The following DOCK3 variants were observed in gnomAD, a reference collection of about 807,000 sequenced individuals.
The protein encoded by DOCK3 is dedicator of cytokinesis 3.
Under a neutral mutation model 265.6 loss-of-function variants are expected in DOCK3, and 60 were observed. That is an observed-to-expected ratio of 0.23 (90% CI 0.18 to 0.28). DOCK3 has a LOEUF of 0.28. Among genes scored for constraint, DOCK3 ranks in the 10% least tolerant of loss-of-function variants. The probability of loss-of-function intolerance (pLI) is 1.00; values close to 1 mark genes in which losing one functional copy is unlikely to be tolerated. For missense variants in DOCK3, 1,981 were observed against 2,594.3 expected (o/e 0.76, Z 5.14); for synonymous variants, 881 against 938.0 (o/e 0.94, Z 1.11).
chr3:51,303,115 A>AT lies in DOCK3; in HGVS notation c.2923-7106dup, dbSNP rs199894276. 3.4e-3 allele frequency among the ~76,000 whole-genome samples: 481 copies of AT among 142,008 alleles called. 2 individuals carry two copies. The highest frequency in any genetic ancestry group is 0.014 in the Middle Eastern group (4 of 276). The allele number at this position is 142,008 out of a possible 152,430, so 93.2% of individuals were successfully genotyped here. A position where few individuals can be genotyped will look rare whatever the true frequency, so the allele number is the denominator to read the frequency against. Reference sequence around the variant, plus strand: ...TCATAGCTTTTGTTTGTTCCTTTTCATTTTTTTTTTTCTCTAATCTTGTCT... The same window carrying AT: ...TCATAGCTTTTGTTTGTTCCTTTTCATTTTTTTTTTTTCTCTAATCTTGTCT... On this transcript the variant is annotated intron_variant, in intron 27 of 52. Transcript: ENST00000266037.
intron 1 of DOCK3, among the ~76,000 whole-genome samples, chr3:50,749,255 A>G (rs912246615): frequency 5.9e-5 from 9 of 152,212 alleles, no homozygotes; most frequent in African/African-American, 1.9e-4. Flanking sequence ...CAAATTTAGC[A>G]TTTAATATTT....
At chr3:50,699,516 G>C (rs567301881) in intron 1 of DOCK3, among the ~76,000 whole-genome samples, 1 of 148,868 alleles carries the variant, frequency 6.7e-6, no homozygotes, top group African/African-American at 2.5e-5. Context: ...GCAGTGGCAC[G>C]ATCTCTGCTT....
chr3:50,989,023 C>A (rs1437175693), intron 5 of DOCK3, among the ~76,000 whole-genome samples: 1 of 152,144 alleles, frequency 6.6e-6, no homozygotes, highest in African/African-American at 2.4e-5. Flanking sequence ...TCCACACCTG[C>A]TACAAGCTGC....
intron 14 of DOCK3, among the ~76,000 whole-genome samples, chr3:51,221,878 C>G (rs1052461219): frequency 6.6e-6 from 1 of 152,144 alleles, no homozygotes; most frequent in Non-Finnish European, 1.5e-5. Context: ...AAAGACTCAC[C>G]CTCTCAGCAC....
chr3:51,320,153 G>A (rs1317223591), intron 32 of DOCK3, among the ~76,000 whole-genome samples: 1 of 152,168 alleles, frequency 6.6e-6, no homozygotes, highest in Non-Finnish European at 1.5e-5. Flanking sequence ...TGAACAGTGG[G>A]TGCAGCCCAC....
chr3:51,106,682 C>T (rs568597826), intron 9 of DOCK3, among the ~76,000 whole-genome samples: 12 of 152,330 alleles, frequency 7.9e-5, no homozygotes, highest in East Asian at 5.8e-4. Flanking sequence ...CCGGCATCAA[C>T]GCATACAGTG....
intron 4 of DOCK3, among the ~76,000 whole-genome samples, chr3:50,925,668 A>C (rs1051543625): frequency 2.0e-5 from 3 of 152,156 alleles, no homozygotes; most frequent in African/African-American, 7.2e-5. Context: ...GTTTTATTAG[A>C]GAAATGTTAC....
At chr3:51,065,407 C>T (rs1171393643) in intron 6 of DOCK3, among the ~76,000 whole-genome samples, 4 of 152,044 alleles carry the variant, frequency 2.6e-5, no homozygotes, top group Admixed American at 2.0e-4. Flanking sequence ...TTCTGGAAGC[C>T]GGAAAGTAGA....
chr3:51,133,811 C>T (rs1043885926), intron 9 of DOCK3, among the ~76,000 whole-genome samples: 3 of 151,816 alleles, frequency 2.0e-5, no homozygotes, highest in Non-Finnish European at 4.4e-5. Context: ...TGATTTGGGC[C>T]CACTAAGAGG....
chr3:51,357,177 G>C, intron 44 of DOCK3, 36 bp downstream of exon 44: 1 of 1,591,124 alleles, frequency 6.3e-7, no homozygotes, highest in Non-Finnish European at 8.6e-7. Context: ...CATGCAGCCA[G>C]CCTGGCCAGG....
intron 3 of DOCK3, among the ~76,000 whole-genome samples, chr3:50,883,443 T>C (rs1016823758): frequency 6.6e-6 from 1 of 152,192 alleles, no homozygotes; most frequent in Admixed American, 6.5e-5. Flanking sequence ...TTTTTGTTTT[T>C]TCTTAGTGTA....
chr3:51,325,247 AAAG>A (rs1431978289), intron 32 of DOCK3, among the ~76,000 whole-genome samples: 1 of 152,216 alleles, frequency 6.6e-6, no homozygotes, highest in Admixed American at 6.5e-5. Context: ...AAAGGTGAGC[AAAG>A]AAGATGAACA....
intron 3 of DOCK3, among the ~76,000 whole-genome samples, chr3:50,842,182 A>T (rs1329314961): frequency 3.9e-5 from 6 of 152,198 alleles, no homozygotes. Flanking sequence ...TTTTATGTTT[A>T]TTACAATTAA....
intron 3 of DOCK3, among the ~76,000 whole-genome samples, chr3:50,846,391 G>A (rs943735404): frequency 2.6e-5 from 4 of 152,186 alleles, no homozygotes; most frequent in African/African-American, 9.7e-5. Context: ...ATCTTTTGAT[G>A]TGCTGCTGGA....
intron 9 of DOCK3, among the ~76,000 whole-genome samples, chr3:51,106,093 C>T (rs754349720): frequency 2.0e-5 from 3 of 152,180 alleles, no homozygotes; most frequent in Non-Finnish European, 4.4e-5. Flanking sequence ...GCCAGAGATG[C>T]CTCTCCCGCT....
chr3:50,973,106 ATTTCTTTTTTTTTTTTGTAGT>A (rs2077303725), intron 5 of DOCK3, among the ~76,000 whole-genome samples: 3 of 40,078 alleles, frequency 7.5e-5, no homozygotes, highest in Non-Finnish European at 1.1e-4. Flanking sequence ...GCAGACTTAA[ATTTCTTTTTTTTTTTTGTAGT>A]TTTCTTTTTT....
intron 2 of DOCK3, among the ~76,000 whole-genome samples, chr3:50,805,353 C>T (rs1054683279): frequency 1.2e-4 from 19 of 152,114 alleles, no homozygotes; most frequent in Admixed American, 5.9e-4. Context: ...GGGGCTGTTT[C>T]TCTGGGTGGG....
rs188103710 is a variant in DOCK3 at position 50,928,199 on chromosome 3, C to T, written c.219-5782C>T. 4.6e-3 allele frequency among the ~76,000 whole-genome samples: 692 copies of T among 150,800 alleles called. 4 individuals are homozygous for T. The highest frequency in any genetic ancestry group is 0.016 in the African/African-American group (655 of 41,198). On this transcript the variant is annotated intron_variant, in intron 4 of 52. Transcript: ENST00000266037. ...CCTCTTTAAGTGTACAATCCAGTGGCATCAAATACATTCACAATGTTGTGC... is the reference window on the plus strand; with the variant it reads ...CCTCTTTAAGTGTACAATCCAGTGGTATCAAATACATTCACAATGTTGTGC...
intron 4 of DOCK3, among the ~76,000 whole-genome samples, chr3:50,901,951 C>T (rs890145856): frequency 1.3e-5 from 2 of 152,136 alleles, no homozygotes; most frequent in African/African-American, 4.8e-5. Flanking sequence ...AGCAGCTATT[C>T]TTCTTGATTC....
Sources: allele counts gnomAD v4.1 joint callset (sites outside exome capture counted in the v4.1 genomes callset), GRCh38; gene constraint gnomAD v4.1.1; transcripts MANE v1.5; gene names NCBI Gene and HGNC (gene_info 2026-07-23, HGNC 2026-07-21).